The following MEMO1 variants were observed in gnomAD, a reference collection of about 807,000 sequenced individuals.
MEMO1 encodes the protein protein MEMO1.
Under a neutral mutation model 45.2 loss-of-function variants are expected in MEMO1, and 6 were observed. That is an observed-to-expected ratio of 0.13 (90% confidence interval 0.07 to 0.26). MEMO1 has a LOEUF of 0.26. Among genes scored for constraint, MEMO1 ranks in the 10% least tolerant of loss-of-function variants. MEMO1 has a pLI of 1.00. For synonymous variants in MEMO1, 78 were observed against 124.3 expected (o/e 0.63, Z 2.48); for missense variants, 184 against 370.5 (o/e 0.50, Z 4.13).
At chr2:31,912,047 T>G (rs1439775068) in intron 6 of MEMO1, among the ~76,000 whole-genome samples, 1 of 152,082 alleles carries the variant, frequency 6.6e-6, no homozygotes, top group Admixed American at 6.6e-5. Flanking sequence ...TAAAAAGCAA[T>G]TATAGGCTGG....
intron 2 of MEMO1, among the ~76,000 whole-genome samples, chr2:31,970,145 T>C (rs1358278330): frequency 6.6e-6 from 1 of 151,960 alleles, no homozygotes; most frequent in Non-Finnish European, 1.5e-5. Flanking sequence ...CTAATTTTTG[T>C]ATTTTTAGTA....
intron 2 of MEMO1, among the ~76,000 whole-genome samples, chr2:31,993,992 GCT>G (rs1672265519): frequency 2.0e-5 from 2 of 97,860 alleles, no homozygotes; most frequent in Admixed American, 1.7e-4. Flanking sequence ...ACAGAGTCTT[GCT>G]CTGTCGCCCA....
At chr2:31,990,413 CTT>C (rs1671799629) in intron 2 of MEMO1, among the ~76,000 whole-genome samples, 1 of 151,898 alleles carries the variant, frequency 6.6e-6, no homozygotes, top group South Asian at 2.1e-4. Flanking sequence ...CAGTAAATAA[CTT>C]TGGTTGGTTG....
chr2:31,940,444 A>G (rs1665473165), intron 3 of MEMO1, among the ~76,000 whole-genome samples: 1 of 152,108 alleles, frequency 6.6e-6, no homozygotes, highest in African/African-American at 2.4e-5. Flanking sequence ...CCATACTTCC[A>G]CTTGTCTTCC....
intron 6 of MEMO1, among the ~76,000 whole-genome samples, chr2:31,912,513 CAAAAAAAAAA>C (rs752295550): frequency 1.7e-5 from 1 of 60,556 alleles, no homozygotes; most frequent in Non-Finnish European, 3.5e-5. Context: ...AACTCTGTCT[CAAAAAAAAAA>C]AAAAAAAAAG....
At chr2:31,963,537 T>C (rs1195251345) in intron 2 of MEMO1, among the ~76,000 whole-genome samples, 1 of 152,240 alleles carries the variant, frequency 6.6e-6, no homozygotes, top group Non-Finnish European at 1.5e-5. Context: ...ATCCTTTTTC[T>C]ATATGAACTG....
chr2:31,876,160 T>C (rs754411817), intron 8 of MEMO1, among the ~76,000 whole-genome samples: 1 of 152,202 alleles, frequency 6.6e-6, no homozygotes, highest in Non-Finnish European at 1.5e-5. Context: ...TACACACCAC[T>C]CTTCTTACTC....
chr2:31,993,156 C>A (rs188254191), intron 2 of MEMO1, among the ~76,000 whole-genome samples: 184 of 152,112 alleles, frequency 1.2e-3, no homozygotes, highest in African/African-American at 4.1e-3. Context: ...CTGGGCAACA[C>A]AGTAAGACCC....
chr2:31,890,088 A>G lies in MEMO1; in HGVS notation c.580+1904T>C, dbSNP rs190760695. On this transcript the variant is annotated intron_variant, in intron 7 of 9. Transcript: ENST00000404530. ...CTCAGCCACTGTAGTTACATATAGC[A>G]GTGGACTAGGCTTTGGTTACTTTAG... Among the ~76,000 whole-genome samples, 165 of 152,272 alleles carry G rather than the reference A, an allele frequency of 1.1e-3. 1 individual carries two copies. Among genetic ancestry groups the G allele is most frequent in the Middle Eastern group, 3.4e-3 (1 of 294 alleles).
intron 2 of MEMO1, among the ~76,000 whole-genome samples, chr2:31,952,036 T>TG (rs1666899574): frequency 1.3e-5 from 2 of 152,170 alleles, no homozygotes; most frequent in Non-Finnish European, 2.9e-5. Context: ...AGCATGCCCT[T>TG]GGTACAGCAC....
intron 2 of MEMO1, among the ~76,000 whole-genome samples, chr2:32,000,554 CAG>C (rs1230716982): frequency 2.0e-5 from 3 of 150,264 alleles, no homozygotes; most frequent in African/African-American, 7.3e-5. Context: ...TTAGTAAAGA[CAG>C]GGTTTCATCA....
chr2:31,887,839 TA>T (rs1676415623), intron 7 of MEMO1, among the ~76,000 whole-genome samples: 1 of 152,060 alleles, frequency 6.6e-6, no homozygotes. Context: ...ATTTAGAAAA[TA>T]GCAACAGCCT....
intron 2 of MEMO1, among the ~76,000 whole-genome samples, chr2:31,995,763 T>G (rs1384881078): frequency 4.0e-5 from 6 of 151,712 alleles, no homozygotes; most frequent in African/African-American, 1.5e-4. Flanking sequence ...TTCTGAAAAC[T>G]ATAACCCAGG....
intron 4 of MEMO1, among the ~76,000 whole-genome samples, chr2:31,927,493 G>A (rs1683280110): frequency 6.6e-6 from 1 of 151,972 alleles, no homozygotes; most frequent in African/African-American, 2.4e-5. Context: ...ATCTGTGTGA[G>A]GTTTCTTCAT....
chr2:31,946,977 G>C (rs1465545530), intron 2 of MEMO1, among the ~76,000 whole-genome samples: 1 of 152,098 alleles, frequency 6.6e-6, no homozygotes, highest in African/African-American at 2.4e-5. Context: ...TGTAGCCTAG[G>C]AACAACAGGC....
At chr2:31,969,362 C>CGTGTATATATATACACAT (rs1553376008) in intron 2 of MEMO1, among the ~76,000 whole-genome samples, 2 of 145,534 alleles carry the variant, frequency 1.4e-5, no homozygotes. Flanking sequence ...ATATATGTTA[C>CGTGTATATATATACACAT]GTGTATATAT....
chr2:31,945,858 G>A (rs1666132491), intron 2 of MEMO1, among the ~76,000 whole-genome samples: 1 of 152,124 alleles, frequency 6.6e-6, no homozygotes, highest in African/African-American at 2.4e-5. Context: ...GTGAATTTAG[G>A]ACAAACTATG....
At chr2:31,902,099 T>C (rs1302280875) in intron 6 of MEMO1, among the ~76,000 whole-genome samples, 5 of 151,932 alleles carry the variant, frequency 3.3e-5, no homozygotes, top group East Asian at 1.9e-4. Context: ...CTGGACAACA[T>C]AGCAAGACCC....
intron 2 of MEMO1, among the ~76,000 whole-genome samples, chr2:31,984,659 A>T (rs1451324012): frequency 6.6e-6 from 1 of 152,186 alleles, no homozygotes; most frequent in Non-Finnish European, 1.5e-5. Flanking sequence ...CAAAAAAATT[A>T]GCGAGGCGTG....
Sources: allele counts gnomAD v4.1 joint callset (sites outside exome capture counted in the v4.1 genomes callset), GRCh38; gene constraint gnomAD v4.1.1; transcripts MANE v1.5; gene names NCBI Gene and HGNC (gene_info 2026-07-23, HGNC 2026-07-21).